The following CHIC1 variants were observed in gnomAD, a reference collection of about 807,000 sequenced individuals.
CHIC1 encodes cysteine-rich hydrophobic domain-containing protein 1.
CHIC1 carries 7 observed loss-of-function variants against 18.5 expected under a neutral mutation model. That is an observed-to-expected ratio of 0.38 (90% CI 0.22 to 0.71). CHIC1 has a LOEUF of 0.71. Ranked by LOEUF, CHIC1 falls within the 30% of genes least tolerant of loss-of-function variation. The pLI, the probability that CHIC1 is intolerant of heterozygous loss-of-function variation, is 0.49. For synonymous variants in CHIC1, 77 were observed against 73.5 expected, an observed-to-expected ratio of 1.05 and a Z score of -0.25; for missense variants, 159 against 176.9, an observed-to-expected ratio of 0.90 and a Z score of 0.57.
chrX:73,612,385 T>C (rs1294296718), intron 3 of CHIC1, among the ~76,000 whole-genome samples: 1 of 111,859 alleles, frequency 8.9e-6, no homozygotes, highest in East Asian at 2.8e-4. Flanking sequence ...TTCCTTGAGA[T>C]GCAGTGTTAG....
chrX:73,656,310 T>A (rs892905052), intron 3 of CHIC1, among the ~76,000 whole-genome samples: 1 of 111,930 alleles, frequency 8.9e-6, no homozygotes, highest in Non-Finnish European at 1.9e-5. Context: ...TTTAACTAGA[T>A]CCCATTTGTC....
intron 1 of CHIC1, among the ~76,000 whole-genome samples, chrX:73,569,553 C>G (rs182729015): frequency 1.7e-4 from 19 of 111,543 alleles, no homozygotes; most frequent in Admixed American, 1.9e-4. Flanking sequence ...AGCCCCACAT[C>G]TTGGCTAATT....
intron 1 of CHIC1, 74 bp downstream of exon 1, chrX:73,563,654 C>A: frequency 1.1e-6 from 1 of 945,935 alleles, no homozygotes; most frequent in Non-Finnish European, 1.4e-6. Context: ...GATCGAGGGG[C>A]CTGTGGAGTG....
chrX:73,668,059 C>T (rs1028856627), intron 3 of CHIC1, among the ~76,000 whole-genome samples: 2 of 111,587 alleles, frequency 1.8e-5, no homozygotes, highest in Non-Finnish European at 3.8e-5. Flanking sequence ...TTGTTCATTC[C>T]TTTTCATTCT....
At chrX:73,624,288 C>T (rs1020594675) in intron 3 of CHIC1, among the ~76,000 whole-genome samples, 3 of 111,602 alleles carry the variant, frequency 2.7e-5, no homozygotes, top group East Asian at 5.6e-4. Context: ...TAATGTGATA[C>T]CCCCAAAAGT....
At chrX:73,647,734 G>A (rs1327108446) in intron 3 of CHIC1, among the ~76,000 whole-genome samples, 1 of 112,328 alleles carries the variant, frequency 8.9e-6, no homozygotes, top group Non-Finnish European at 1.9e-5. Flanking sequence ...GAGCCCCTAG[G>A]GGAAGGCATG....
chrX:73,567,139 C>G (rs767657845), intron 1 of CHIC1, among the ~76,000 whole-genome samples: 1 of 110,298 alleles, frequency 9.1e-6, no homozygotes, highest in East Asian at 2.9e-4. Flanking sequence ...TTGTTCTCAG[C>G]CCACTACTCT....
At chrX:73,611,457 G>A (rs777056071) in intron 3 of CHIC1, among the ~76,000 whole-genome samples, 1 of 108,613 alleles carries the variant, frequency 9.2e-6, no homozygotes, top group South Asian at 3.8e-4. Context: ...CTTTGCTATT[G>A]TGAATAGTGC....
At chrX:73,667,696 G>A (rs907632966) in intron 3 of CHIC1, among the ~76,000 whole-genome samples, 1 of 111,568 alleles carries the variant, frequency 9.0e-6, no homozygotes, top group Non-Finnish European at 1.9e-5. Flanking sequence ...CTTCTGGCTT[G>A]TAAGGTTTTT....
At chrX:73,644,977 G>C (rs1348079255) in intron 3 of CHIC1, among the ~76,000 whole-genome samples, 1 of 112,305 alleles carries the variant, frequency 8.9e-6, no homozygotes, top group Non-Finnish European at 1.9e-5. Context: ...TGCACCCACT[G>C]TCCTGCACCC....
At chrX:73,663,902 G>A (rs2057992607) in intron 3 of CHIC1, among the ~76,000 whole-genome samples, 1 of 111,302 alleles carries the variant, frequency 9.0e-6, no homozygotes, top group South Asian at 3.8e-4. Flanking sequence ...CACTACCCCG[G>A]TAAGCACATT....
At chrX:73,648,335 A>G (rs1312314054) in intron 3 of CHIC1, among the ~76,000 whole-genome samples, 1 of 112,263 alleles carries the variant, frequency 8.9e-6, no homozygotes, top group East Asian at 2.8e-4. Flanking sequence ...ACTCCTCTCT[A>G]GCAAGGACAC....
In CHIC1 at chrX:73,684,827, C is replaced by T. The variant is rs2058114542; in HGVS notation, c.*3822C>T. 1.8e-5 allele frequency: 2 copies of T among 111,242 alleles called. No individual in the cohort carries two copies. Among genetic ancestry groups the T allele is most frequent in the Admixed American group, 9.6e-5 (1 of 10,397 alleles). The allele number at this position is 111,242 out of a possible 1,213,427, so 9.2% of individuals were successfully genotyped here. ...GTGGACTAAAACAATTGATATATAT[C>T]TGTATGTAAAAATGAATGATCTTAT... On this transcript the variant is annotated 3_prime_UTR_variant, in exon 6 of 6. Coordinates refer to ENST00000373502, the MANE Select transcript of CHIC1 (RefSeq NM_001039840.4).
Position 73,681,044 on chromosome X carries a change from CCT to C in CHIC1, c.*40_*41del. On this transcript the variant is annotated 3_prime_UTR_variant, in exon 6 of 6. Transcript: ENST00000373502. ...GTCACTTCTGTGTTACCTGTCATTTCCTACCCTTAGTGCCTTGTAGATTTGGA... is the reference window on the plus strand; with the variant it reads ...GTCACTTCTGTGTTACCTGTCATTTCACCCTTAGTGCCTTGTAGATTTGGA... 1.1e-6 allele frequency: 1 copy of C among 872,573 alleles called. No individual in the cohort carries two copies. The highest frequency in any genetic ancestry group is 1.6e-6 in the Non-Finnish European group (1 of 615,577). 71.9% of individuals were successfully genotyped at this position (872,573 alleles called of 1,213,427 possible).
At chrX:73,612,266 G>T (rs779614767) in intron 3 of CHIC1, among the ~76,000 whole-genome samples, 5 of 111,653 alleles carry the variant, frequency 4.5e-5, no homozygotes, top group African/African-American at 1.6e-4. Context: ...CCAGCTTTTT[G>T]TTTAATAGAT....
chrX:73,669,206 G>A (rs1441540519), intron 3 of CHIC1, among the ~76,000 whole-genome samples: 1 of 111,300 alleles, frequency 9.0e-6, no homozygotes, highest in Non-Finnish European at 1.9e-5. Context: ...ACCAACCCAA[G>A]TGGTGGCTTT....
intron 3 of CHIC1, among the ~76,000 whole-genome samples, chrX:73,657,579 C>T (rs1197295505): frequency 8.9e-6 from 1 of 112,091 alleles, no homozygotes; most frequent in African/African-American, 3.2e-5. Flanking sequence ...GATAGTTTAA[C>T]TTCCTCTCTT....
chrX:73,678,352 C>T (rs1034383783), intron 3 of CHIC1, among the ~76,000 whole-genome samples: 3 of 112,323 alleles, frequency 2.7e-5, no homozygotes, highest in African/African-American at 9.7e-5. Flanking sequence ...GTATGTCAGT[C>T]TTTGGACCAT....
intron 1 of CHIC1, among the ~76,000 whole-genome samples, chrX:73,571,640 A>G (rs1424393224): frequency 9.0e-6 from 1 of 111,215 alleles, no homozygotes; most frequent in Non-Finnish European, 1.9e-5. Context: ...TAAAGGGAAT[A>G]TGTATTTGCA....
Sources: gnomAD v4.1 joint callset for allele counts (sites outside exome capture counted in the v4.1 genomes callset) on GRCh38, gnomAD v4.1.1 for gene constraint, MANE v1.5 for transcripts, NCBI Gene and HGNC (gene_info 2026-07-23, HGNC 2026-07-21) for gene names.